Variants in SCMH1 observed in about 807,000 individuals in gnomAD.
SCMH1 encodes the protein polycomb protein SCMH1.
SCMH1 carries 37 observed loss-of-function variants against 70.8 expected under a neutral mutation model. The observed-to-expected ratio is 0.52, with a 90% CI of 0.40 to 0.69. The LOEUF is 0.69. SCMH1 is among the 30% of genes least tolerant of loss of function. The pLI is 0.00. For missense variants in SCMH1, 607 were observed against 827.3 expected, an observed-to-expected ratio of 0.73 and a Z score of 3.27; for synonymous variants, 292 against 307.4, an observed-to-expected ratio of 0.95 and a Z score of 0.52.
At chr1:41,028,233 G>A (rs1425666616) in exon 15 of SCMH1, 2 of 1,614,030 alleles carry the variant, frequency 1.2e-6, no homozygotes, top group African/African-American at 2.7e-5. Flanking sequence ...TGTGGTAGGA[G>A]AGCTTGAGTG....
At chr1:41,192,499 C>G (rs922695997) in intron 1 of SCMH1, among the ~76,000 whole-genome samples, 2 of 149,148 alleles carry the variant, frequency 1.3e-5, no homozygotes, top group African/African-American at 4.9e-5. Flanking sequence ...ATAGGAGACA[C>G]ACACACACAC....
intron 6 of SCMH1, among the ~76,000 whole-genome samples, chr1:41,120,146 ATAGTTATCAATGACTAGAGTGCC>A (rs1349597052): frequency 1.6e-4 from 24 of 152,294 alleles, no homozygotes; most frequent in African/African-American, 5.8e-4. Context: ...TTTAATGCCT[ATAGTTATCAATGACTAGAGTGCC>A]TAGCCATGTA....
intron 2 of SCMH1, among the ~76,000 whole-genome samples, chr1:41,173,756 T>C (rs1447986547): frequency 6.6e-6 from 1 of 152,166 alleles, no homozygotes; most frequent in Admixed American, 6.5e-5. Flanking sequence ...ATATGGTATA[T>C]ATAAACAATG....
intron 7 of SCMH1, 111 bp downstream of exon 7, chr1:41,116,811 T>G (rs1393868932): frequency 3.0e-5 from 22 of 736,112 alleles, no homozygotes; most frequent in Non-Finnish European, 4.5e-5. Flanking sequence ...AAAATCCTTC[T>G]GAACTAATTT....
At chr1:41,092,319 T>C (rs988722759) in intron 8 of SCMH1, among the ~76,000 whole-genome samples, 1 of 152,186 alleles carries the variant, frequency 6.6e-6, no homozygotes, top group Non-Finnish European at 1.5e-5. Context: ...TGGCTGGCCA[T>C]ATGTAGAAAG....
At chr1:41,058,288 G>C (rs1651204872) in intron 10 of SCMH1, among the ~76,000 whole-genome samples, 1 of 151,010 alleles carries the variant, frequency 6.6e-6, no homozygotes, top group Non-Finnish European at 1.5e-5. Context: ...TAGCTTTGGA[G>C]TATGTCTGGG....
intron 6 of SCMH1, among the ~76,000 whole-genome samples, chr1:41,136,522 C>CA (rs1329967693): frequency 2.0e-5 from 3 of 151,750 alleles, no homozygotes; most frequent in African/African-American, 7.2e-5. Context: ...TACAGGCATG[C>CA]ACCACCGTGC....
At chr1:41,176,973 AG>A (rs1438273109) in intron 2 of SCMH1, among the ~76,000 whole-genome samples, 1 of 152,244 alleles carries the variant, frequency 6.6e-6, no homozygotes, top group Admixed American at 6.5e-5. Flanking sequence ...CTGACCCCCA[AG>A]TAGCCTAACT....
intron 13 of SCMH1, 84 bp from the exon 15 acceptor site, chr1:41,028,810 C>CT: frequency 6.8e-7 from 1 of 1,467,524 alleles, no homozygotes; most frequent in South Asian, 1.2e-5. Context: ...TCTCAGTGGC[C>CT]TTCTAGGTGA....
At chr1:41,205,346 G>A (rs151250975) in intron 1 of SCMH1, among the ~76,000 whole-genome samples, 3 of 152,322 alleles carry the variant, frequency 2.0e-5, no homozygotes, top group African/African-American at 7.2e-5. Context: ...CCCAAATACT[G>A]TGCTTTTCCC....
chr1:41,155,151 C>A (rs1244827463), intron 4 of SCMH1, among the ~76,000 whole-genome samples: 4 of 152,076 alleles, frequency 2.6e-5, no homozygotes, highest in African/African-American at 9.7e-5. Context: ...TTTATAAACT[C>A]TGATGCATAC....
chr1:41,054,097 GC>G (rs1377334012), intron 10 of SCMH1, among the ~76,000 whole-genome samples: 1 of 152,098 alleles, frequency 6.6e-6, no homozygotes, highest in East Asian at 1.9e-4. Flanking sequence ...GCCTGCCTCG[GC>G]CTCCCAAAGT....
chr1:41,084,496 T>C (rs1044546629), intron 8 of SCMH1, among the ~76,000 whole-genome samples: 1 of 152,158 alleles, frequency 6.6e-6, no homozygotes, highest in African/African-American at 2.4e-5. Context: ...GGGGAGGATG[T>C]GGAGAAATAG....
intron 10 of SCMH1, among the ~76,000 whole-genome samples, chr1:41,064,881 C>A (rs1056911743): frequency 6.6e-6 from 1 of 151,948 alleles, no homozygotes. Flanking sequence ...CACCACTGCA[C>A]TCCAGCCTGG....
At chr1:41,238,159 A>G (rs1662773480) in intron 1 of SCMH1, among the ~76,000 whole-genome samples, 1 of 152,194 alleles carries the variant, frequency 6.6e-6, no homozygotes, top group Admixed American at 6.5e-5. Flanking sequence ...TCCAAAGCCT[A>G]GGCTCTTTCC....
intron 1 of SCMH1, among the ~76,000 whole-genome samples, chr1:41,205,487 C>T (rs963721880): frequency 6.6e-6 from 1 of 152,228 alleles, no homozygotes; most frequent in African/African-American, 2.4e-5. Context: ...GGGCTCTCAG[C>T]TCTGAAGGCT....
chr1:41,142,606 T>C (rs1373864600), intron 6 of SCMH1, among the ~76,000 whole-genome samples: 2 of 152,290 alleles, frequency 1.3e-5, no homozygotes, highest in Admixed American at 6.5e-5. Flanking sequence ...TTCCATTCTC[T>C]CTCTCAGGTA....
intron 10 of SCMH1, among the ~76,000 whole-genome samples, chr1:41,067,458 C>CAAAAA (rs60607308): frequency 2.8e-4 from 17 of 60,242 alleles, no homozygotes; most frequent in East Asian, 4.2e-4. Flanking sequence ...ACAACAACAA[C>CAAAAA]AAAAAAAAAA....
intron 8 of SCMH1, among the ~76,000 whole-genome samples, chr1:41,104,883 A>C (rs1667499764): frequency 6.6e-6 from 1 of 152,166 alleles, no homozygotes; most frequent in Admixed American, 6.5e-5. Context: ...CTCTGGAAAC[A>C]AATCTTAGTG....
Sources: allele counts gnomAD v4.1 joint callset (sites outside exome capture counted in the v4.1 genomes callset), GRCh38; gene constraint gnomAD v4.1.1; transcripts MANE v1.5; gene names NCBI Gene and HGNC (gene_info 2026-07-23, HGNC 2026-07-21).